The following TOGARAM2 variants were observed in gnomAD, a reference collection of about 807,000 sequenced individuals.
TOGARAM2 encodes the protein TOG array regulator of axonemal microtubules protein 2.
Under a neutral mutation model 93.3 loss-of-function variants are expected in TOGARAM2, and 85 were observed. The observed-to-expected ratio is 0.91, with a 90% CI of 0.76 to 1.09. The LOEUF is 1.09. TOGARAM2 is among the 50% of genes least tolerant of loss of function. The pLI, the probability that TOGARAM2 is intolerant of heterozygous loss-of-function variation, is 0.00. For missense variants in TOGARAM2, 1,277 were observed against 1,334.5 expected, an observed-to-expected ratio of 0.96 and a Z score of 0.67; for synonymous variants, 593 against 552.8, an observed-to-expected ratio of 1.07 and a Z score of -1.02.
chr2:28,979,172 C>T (rs1672077662), upstream of TOGARAM2, among the ~76,000 whole-genome samples: 1 of 152,110 alleles, frequency 6.6e-6, no homozygotes, highest in African/African-American at 2.4e-5. Context: ...GCCCGGGGCT[C>T]AGGTTGTGTT....
At chr2:29,034,433 T>A (rs759494270) in intron 16 of TOGARAM2, among the ~76,000 whole-genome samples, 23 of 152,256 alleles carry the variant, frequency 1.5e-4, no homozygotes, top group Non-Finnish European at 3.4e-4. Context: ...GATGTATCTA[T>A]CTTCCCTTGG....
chr2:28,962,188 T>C (rs1671811979), intron 1 of TOGARAM2, among the ~76,000 whole-genome samples: 1 of 151,932 alleles, frequency 6.6e-6, no homozygotes, highest in Admixed American at 6.6e-5. Flanking sequence ...GTTTTTTTTT[T>C]TTTTTGAGAC....
intron 8 of TOGARAM2, among the ~76,000 whole-genome samples, chr2:29,014,903 C>G (rs1664466468): frequency 2.0e-5 from 3 of 152,072 alleles, no homozygotes; most frequent in Non-Finnish European, 2.9e-5. Context: ...GAGCAGGAAG[C>G]CTTAGGTGAA....
At chr2:29,013,839 T>G (rs1326219590) in intron 7 of TOGARAM2, among the ~76,000 whole-genome samples, 1 of 152,212 alleles carries the variant, frequency 6.6e-6, no homozygotes, top group African/African-American at 2.4e-5. Flanking sequence ...GAAACAATAC[T>G]TGACCAGCTA....
chr2:29,035,540 C>T lies in TOGARAM2; in HGVS notation c.2302C>T (p.Arg768Trp), dbSNP rs771220945. Residue 768 changes from arginine (R) to tryptophan (W), a missense_variant, in exon 17 of 20, where the codon CGG becomes TGG. Transcript: ENST00000379558. ...CCGCGGGGAGATGGTGGAGCAGCTA[C>T]GGGAGCTGACACGGCTGCTGGAGGC... ...QGRGEMVEQLRELTRLLEAKD... is the reference protein window; with the variant it reads ...QGRGEMVEQLWELTRLLEAKD... 33 of 1,577,052 alleles carry T rather than the reference C, an allele frequency of 2.1e-5. No individual in the cohort carries two copies. Among genetic ancestry groups the T allele is most frequent in the Admixed American group, 7.2e-5 (4 of 55,346 alleles).
intron 19 of TOGARAM2, chr2:29,048,074 C>A: frequency 6.6e-6 from 1 of 152,212 alleles, no homozygotes; most frequent in East Asian, 1.9e-4. Flanking sequence ...ACGAACAGTT[C>A]CATGTTGCTG....
Position 29,045,378 on chromosome 2 carries a change from G to T in TOGARAM2, c.2690G>T (p.Arg897Leu), listed in dbSNP as rs150801790. 2.9e-5 allele frequency: 46 copies of T among 1,613,550 alleles called. No individual in the cohort carries two copies. The African/African-American group carries it at 5.7e-4, about 20-fold the overall frequency. The change falls in exon 19 of 20, where the codon CGT becomes CTT. Residue 897 changes from arginine (R) to leucine (L), a missense_variant. Arg to Leu is a moderately radical substitution (Grantham distance 102). Coordinates refer to ENST00000379558, the MANE Select transcript of TOGARAM2 (RefSeq NM_199280.4). The stretch of plus-strand genomic sequence containing the variant: ...GGGCGAGTGCGTTTCCTGAGTGGCC[G>T]TGCGGTGCTGGATGTCACAGATCGC... Reference protein sequence around the residue: ...LAGRVRFLSGRAVLDVTDRLA... With the variant: ...LAGRVRFLSGLAVLDVTDRLA...
intron 6 of TOGARAM2, among the ~76,000 whole-genome samples, chr2:29,005,061 TGA>T (rs145799155): frequency 1.3e-5 from 1 of 76,490 alleles, no homozygotes; most frequent in Admixed American, 1.4e-4. Context: ...TGTATGTGTG[TGA>T]GTGCATGTGT....
Position 29,038,020 on chromosome 2 carries a change from C to T in TOGARAM2, c.2635+1263C>T, listed in dbSNP as rs376545203. On this transcript the variant is annotated intron_variant, in intron 18 of 19. Coordinates refer to ENST00000379558, the MANE Select transcript of TOGARAM2 (RefSeq NM_199280.4). ...CCCCCTCCAGGTGTTTTAGTTTCCA[C>T]TTTTTGCCATCAGGCCAGCCTCCTT... Among the ~76,000 whole-genome samples the T allele has an allele frequency of 1.6e-4, 25 of 152,310 alleles. No individual in the cohort carries two copies. The South Asian group carries it at 5.2e-3, about 32-fold the overall frequency.
intron 19 of TOGARAM2, chr2:29,045,840 C>T: frequency 3.8e-6 from 1 of 261,132 alleles, no homozygotes; most frequent in Middle Eastern, 1.5e-3. Context: ...CTTCTGGTAC[C>T]AAACATTTTA....
chr2:28,995,453 G>A (rs1672945491), intron 2 of TOGARAM2, among the ~76,000 whole-genome samples: 1 of 152,216 alleles, frequency 6.6e-6, no homozygotes, highest in African/African-American at 2.4e-5. Flanking sequence ...TTGGAAGGAA[G>A]GCAGAGAAGC....
chr2:29,002,528 C>T lies in TOGARAM2; in HGVS notation c.428-8C>T, dbSNP rs1253257266. The T allele has an allele frequency of 3.1e-6, 5 of 1,611,928 alleles. No individual in the cohort carries two copies. The African/African-American group carries it at 5.3e-5, about 17-fold the overall frequency. On this transcript the variant is annotated splice_polypyrimidine_tract_variant and splice_region_variant and intron_variant, in intron 4 of 19. Coordinates refer to ENST00000379558, the MANE Select transcript of TOGARAM2 (RefSeq NM_199280.4). ...ACTAACTGATTTCCCATCCCCATCCCTGTACAGCCTCTCTGGATCCAGGGG... is the reference window on the plus strand; with the variant it reads ...ACTAACTGATTTCCCATCCCCATCCTTGTACAGCCTCTCTGGATCCAGGGG...
chr2:28,986,675 C>T (rs1272613151), intron 1 of TOGARAM2, among the ~76,000 whole-genome samples: 2 of 152,230 alleles, frequency 1.3e-5, no homozygotes, highest in Non-Finnish European at 2.9e-5. Flanking sequence ...GTGGCACCTC[C>T]GTGTTGCTGT....
intron 1 of TOGARAM2, among the ~76,000 whole-genome samples, chr2:28,965,079 T>C (rs2148216599): frequency 6.6e-6 from 1 of 152,356 alleles, no homozygotes; most frequent in East Asian, 1.9e-4. Context: ...TCTTCCACAA[T>C]GGTTGAACTA....
rs1237933242 is a variant in TOGARAM2 at position 28,993,801 on chromosome 2, C to A, written c.-110-924C>A. ...TTCTGGGGCCTGGGTGGGGCAGTGG[C>A]TGGCTGGCTTCCAGACAGAAGGCAA... On this transcript the variant is annotated intron_variant, in intron 1 of 19. Coordinates refer to ENST00000379558, the MANE Select transcript of TOGARAM2 (RefSeq NM_199280.4). Among the ~76,000 whole-genome samples, 3 of 152,206 alleles carry A rather than the reference C, an allele frequency of 2.0e-5. No homozygotes were observed. In the South Asian group the frequency reaches 6.2e-4, roughly 31 times the overall value.
At chr2:29,005,479 AT>A (rs2148300233) in intron 6 of TOGARAM2, among the ~76,000 whole-genome samples, 1 of 92,878 alleles carries the variant, frequency 1.1e-5, no homozygotes, top group African/African-American at 8.6e-5. Context: ...ATGTGTGTGC[AT>A]GTGTGCATGT....
intron 14 of TOGARAM2, among the ~76,000 whole-genome samples, chr2:29,029,120 A>G (rs191114688): frequency 1.3e-5 from 2 of 152,368 alleles, no homozygotes; most frequent in African/African-American, 4.8e-5. Context: ...TCCATTGGGT[A>G]TCATCATATG....
At chr2:29,032,372 T>G (rs1164581275) in intron 14 of TOGARAM2, among the ~76,000 whole-genome samples, 1 of 152,168 alleles carries the variant, frequency 6.6e-6, no homozygotes, top group East Asian at 1.9e-4. Context: ...GAACTCCTAC[T>G]TATCTGTTGA....
intron 1 of TOGARAM2, among the ~76,000 whole-genome samples, chr2:28,966,586 G>A (rs1450909220): frequency 2.0e-5 from 3 of 152,106 alleles, no homozygotes; most frequent in East Asian, 1.9e-4. Context: ...GTGAGCCACC[G>A]TGCCTGGCCA....
Sources: allele counts gnomAD v4.1 joint callset (sites outside exome capture counted in the v4.1 genomes callset), GRCh38; gene constraint gnomAD v4.1.1; transcripts MANE v1.5; gene names NCBI Gene and HGNC (gene_info 2026-07-23, HGNC 2026-07-21).